Variants in TKT observed in about 807,000 individuals in gnomAD.
TKT encodes the protein transketolase, also known as epididymis luminal protein 107.
TKT carries 47 observed loss-of-function variants against 63.9 expected under a neutral mutation model. The observed-to-expected ratio is 0.74, with a 90% CI of 0.58 to 0.94. TKT has a LOEUF of 0.94. TKT is among the 40% of genes least tolerant of loss of function. The pLI, the probability that TKT is intolerant of heterozygous loss-of-function variation, is 0.00. For synonymous variants in TKT, 338 were observed against 334.1 expected, an observed-to-expected ratio of 1.01 and a Z score of -0.13; for missense variants, 721 against 846.2, an observed-to-expected ratio of 0.85 and a Z score of 1.84.
chr3:53,238,952 C>T (rs183521619), intron 4 of TKT, among the ~76,000 whole-genome samples: 5 of 152,328 alleles, frequency 3.3e-5, no homozygotes, highest in African/African-American at 4.8e-5. Context: ...CTCTGGGTCC[C>T]CACCCAAATC....
At position 53,229,290 on chromosome 3, in the gene TKT, G is replaced by T; in HGVS notation, c.1254C>A (p.Gly418=). Reference sequence around the variant, plus strand: ...CCTGGCTAAACTCACCGATGGAAACGCCGCAGTGGGAGCCGCAGAGGTTGA... The same window carrying T: ...CCTGGCTAAACTCACCGATGGAAACTCCGCAGTGGGAGCCGCAGAGGTTGA... ...SNINLCGSHC[G]VSIGEDGPSQ... is the part of the protein sequence containing the mutation. The change falls in exon 9 of 14, where the codon GGC becomes GGA. Residue 418 remains glycine, a synonymous_variant. Transcript: ENST00000462138. 1 of 1,613,962 alleles carries T rather than the reference G, an allele frequency of 6.2e-7. No homozygotes were observed. Among genetic ancestry groups the T allele is most frequent in the African/African-American group, 1.3e-5 (1 of 75,014 alleles).
At chr3:53,239,712 C>T (rs1705189466) in intron 4 of TKT, among the ~76,000 whole-genome samples, 1 of 152,154 alleles carries the variant, frequency 6.6e-6, no homozygotes. Context: ...AGGCTCATCA[C>T]CCACCCTCTG....
chr3:53,255,973 C>T lies in TKT; in HGVS notation c.-31G>A, dbSNP rs782163926. 6.2e-6 allele frequency: 9 copies of T among 1,460,010 alleles called. No individual in the cohort carries two copies. The highest frequency in any genetic ancestry group is 4.0e-5 in the South Asian group (3 of 75,676). 90.4% of individuals were successfully genotyped at this position (1,460,010 alleles called of 1,614,324 possible). The stretch of plus-strand genomic sequence containing the variant: ...GGCAGGCGGGGACCGGGCGCACACG[C>T]GGACACACAGAGATAGCGGCTGCTC... On this transcript the variant is annotated 5_prime_UTR_variant, in exon 1 of 14. Transcript: ENST00000462138.
Position 53,228,279 on chromosome 3 carries a change from G to T in TKT, c.1476C>A (p.Ala492=). 1 of 1,614,196 alleles carries T rather than the reference G, an allele frequency of 6.2e-7. No homozygotes were observed. The highest frequency in any genetic ancestry group is 8.5e-7 in the Non-Finnish European group (1 of 1,180,020). ...NNNEDFQVGQ[A]KVVLKSKDDQ... ...CTGGGGCATGCGAGGCACTGACCTT[G>T]GCTTGTCCGACCTGGAAGTCCTCAT... Residue 492 remains alanine (A), a synonymous_variant, in exon 11 of 14, where the codon GCC becomes GCA. Transcript: ENST00000462138.
In TKT at chr3:53,228,107, C is replaced by A. The variant is rs1286590375; in HGVS notation, c.1522G>T (p.Ala508Ser). 2 of 1,613,754 alleles carry A rather than the reference C, an allele frequency of 1.2e-6. No homozygotes were observed. The highest frequency in any genetic ancestry group is 2.7e-5 in the African/African-American group (2 of 74,940). Residue 508 changes from alanine to serine, a missense_variant, in exon 12 of 14, where the codon GCT (alanine) becomes TCT (serine). Coordinates refer to ENST00000462138, the MANE Select transcript of TKT (RefSeq NM_001064.4). ...SKDDQVTVIG[A>S]GVTLHEALAA... ...AAGGCCTCGTGCAGGGTCACCCCAG[C>A]CCCGATAACGGTCACCTGGTCATCC...
At chr3:53,240,789 C>T (rs782479304) in intron 3 of TKT, among the ~76,000 whole-genome samples, 5 of 152,206 alleles carry the variant, frequency 3.3e-5, no homozygotes, top group Middle Eastern at 3.2e-3. Flanking sequence ...CCCAGGGTTT[C>T]GCCAGCATCC....
chr3:53,248,590 T>C (rs1482622640), intron 1 of TKT, among the ~76,000 whole-genome samples: 2 of 152,120 alleles, frequency 1.3e-5, no homozygotes, highest in South Asian at 2.1e-4. Flanking sequence ...GACTGTGCCA[T>C]TGCACTCCAG....
chr3:53,226,309 A>G (rs7650103), intron 13 of TKT: 144,349 of 247,280 alleles, frequency 0.58, 43,956 homozygotes, highest in South Asian at 0.83. Context: ...TCCATAGTCC[A>G]ATTATCTACA....
intron 1 of TKT, among the ~76,000 whole-genome samples, chr3:53,244,455 C>T (rs1705421750): frequency 6.6e-6 from 1 of 152,164 alleles, no homozygotes; most frequent in African/African-American, 2.4e-5. Context: ...CTCTAGCAGC[C>T]GCCACCACTG....
chr3:53,245,512 G>A (rs889394419), intron 1 of TKT, among the ~76,000 whole-genome samples: 2 of 151,586 alleles, frequency 1.3e-5, no homozygotes, highest in East Asian at 2.0e-4. Context: ...GGTTGGGCGC[G>A]GTAGCTCACA....
Position 53,229,047 on chromosome 3 carries a change from A to G in TKT, c.1355T>C (p.Val452Ala). 1 of 1,614,186 alleles carries G rather than the reference A, an allele frequency of 6.2e-7. No homozygotes were observed. The highest frequency in any genetic ancestry group is 8.5e-7 in the Non-Finnish European group (1 of 1,180,024). Residue 452 changes from valine to alanine, a missense_variant, in exon 10 of 14, where the codon GTT becomes GCT. Physicochemically the swap from Val to Ala is moderately conservative, Grantham distance 64. Coordinates refer to ENST00000462138, the MANE Select transcript of TKT (RefSeq NM_001064.4). Reference sequence around the variant, plus strand: ...TAGTTCCACTGCCTTCTCTGTAGCAACGCCATCACTTGGGTAAAAGACAGT... The same window carrying G: ...TAGTTCCACTGCCTTCTCTGTAGCAGCGCCATCACTTGGGTAAAAGACAGT... The part of the protein sequence containing the change: ...TSTVFYPSDG[V>A]ATEKAVELAA...
At position 53,232,943 on chromosome 3, in the gene TKT, G is replaced by GC. The variant is rs557517517; in HGVS notation, c.748+212dup. Reference sequence around the variant, plus strand: ...CCCTCCTCTCCTCCTGCCTGTACATGCCCCCACCGGCAGAGGCCAGACGGA... The same window carrying GC: ...CCCTCCTCTCCTCCTGCCTGTACATGCCCCCCACCGGCAGAGGCCAGACGGA... On this transcript the variant is annotated intron_variant, in intron 6 of 13. Transcript: ENST00000462138. The GC allele has an allele frequency of 2.9e-4, 157 of 542,000 alleles. No individual in the cohort carries two copies. The African/African-American group carries it at 2.9e-3, about 10-fold the overall frequency. 33.6% of individuals were successfully genotyped at this position (542,000 alleles called of 1,614,324 possible).
Position 53,233,415 on chromosome 3 carries a change from A to G in TKT, c.630-141T>C, listed in dbSNP as rs1575563346. On this transcript the variant is annotated intron_variant, in intron 5 of 13. Transcript: ENST00000462138. Reference sequence around the variant, plus strand: ...TGCGGCCTCAGCTGGAGTAGTAGAAAGCTTGCAACATTCCTGTTTCCAGTT... The same window carrying G: ...TGCGGCCTCAGCTGGAGTAGTAGAAGGCTTGCAACATTCCTGTTTCCAGTT... 9.6e-6 allele frequency: 5 copies of G among 520,232 alleles called. No individual in the cohort carries two copies. In the East Asian group the frequency reaches 1.7e-4, roughly 18 times the overall value. The allele number at this position is 520,232 out of a possible 1,614,324, so 32.2% of individuals were successfully genotyped here.
In TKT at chr3:53,233,209, T is replaced by C. The variant is rs782145199; in HGVS notation, c.695A>G (p.Lys232Arg). 1.2e-6 allele frequency: 2 copies of C among 1,613,960 alleles called. No individual in the cohort carries two copies. Among genetic ancestry groups the C allele is most frequent in the Non-Finnish European group, 1.7e-6 (2 of 1,179,944 alleles). Residue 232 changes from lysine (K) to arginine (R), a missense_variant, in exon 6 of 14, where the codon AAG becomes AGG. By Grantham distance (26) the Lys-to-Arg change is conservative. Coordinates refer to ENST00000462138, the MANE Select transcript of TKT (RefSeq NM_001064.4). Reference sequence around the variant, plus strand: ...GGCAATGATGGCTGTTGGCTGGTGCTTGGCCTGGCCAAAGGCCTTGCACAG... The same window carrying C: ...GGCAATGATGGCTGTTGGCTGGTGCCTGGCCTGGCCAAAGGCCTTGCACAG... ...EELCKAFGQA[K>R]HQPTAIIAKT...
chr3:53,231,365 C>T lies in TKT; in HGVS notation c.934G>A (p.Gly312Arg). 1.2e-6 allele frequency: 2 copies of T among 1,613,314 alleles called. No homozygotes were observed. The highest frequency in any genetic ancestry group is 1.7e-5 in the Admixed American group (1 of 60,022). The change falls in exon 7 of 14, where the codon GGG (glycine) becomes AGG (arginine). Residue 312 changes from glycine (G) to arginine (R), a missense_variant. Gly to Arg is a moderately radical substitution (Grantham distance 125). Coordinates refer to ENST00000462138, the MANE Select transcript of TKT (RefSeq NM_001064.4). ...RMPSLPSYKV[G>R]DKIATRKAYG... Reference sequence around the variant, plus strand: ...CAGGCCCCACTTTGTACCTTGTCCCCAACTTTGTAGCTGGGCAGGCTGGGC... The same window carrying T: ...CAGGCCCCACTTTGTACCTTGTCCCTAACTTTGTAGCTGGGCAGGCTGGGC...
intron 12 of TKT, 62 bp from the exon 13 acceptor site, chr3:53,226,940 G>A (rs570289819): frequency 1.3e-6 from 2 of 1,544,014 alleles, no homozygotes; most frequent in Non-Finnish European, 1.7e-6. Context: ...CTGCCCTGGT[G>A]GGGGCCTGGT....
intron 2 of TKT, 121 bp from the exon 3 acceptor site, chr3:53,241,366 GGGA>G (rs1705267499): frequency 1.2e-6 from 1 of 802,264 alleles, no homozygotes; most frequent in Admixed American, 3.4e-5. Flanking sequence ...TCCATTTCAG[GGGA>G]GGAAGCAAGT....
chr3:53,248,417 A>G (rs1454129599), intron 1 of TKT, among the ~76,000 whole-genome samples: 1 of 152,226 alleles, frequency 6.6e-6, no homozygotes, highest in Non-Finnish European at 1.5e-5. Flanking sequence ...AGGCAGGAAG[A>G]GGACTTGAGC....
chr3:53,229,541 C>T (rs782762916), intron 8 of TKT, 105 bp from the exon 9 acceptor site: 1 of 1,277,250 alleles, frequency 7.8e-7, no homozygotes, highest in Non-Finnish European at 1.1e-6. Flanking sequence ...TATAGATTGT[C>T]CATCCTTTCT....
Sources: allele counts gnomAD v4.1 joint callset (sites outside exome capture counted in the v4.1 genomes callset), GRCh38; gene constraint gnomAD v4.1.1; transcripts MANE v1.5; gene names NCBI Gene and HGNC (gene_info 2026-07-23, HGNC 2026-07-21).